Variants in SLC2A10 observed in about 807,000 individuals in gnomAD.
SLC2A10 encodes the protein solute carrier family 2, facilitated glucose transporter member 10.
SLC2A10 carries 25 observed loss-of-function variants against 32.1 expected under a neutral mutation model. That is an observed-to-expected ratio of 0.78 (90% CI 0.57 to 1.09). The LOEUF (loss-of-function observed/expected upper bound fraction) is 1.09, where lower values mean the gene tolerates loss of function less well. Among genes scored for constraint, SLC2A10 ranks in the 50% least tolerant of loss-of-function variants. SLC2A10 has a pLI of 0.00. For missense variants in SLC2A10, 673 were observed against 686.5 expected (o/e 0.98, Z 0.22); for synonymous variants, 332 against 309.6 (o/e 1.07, Z -0.76).
In SLC2A10 at chr20:46,725,429, G is replaced by T; in HGVS notation, c.393G>T (p.Gln131His). 6.2e-7 allele frequency: 1 copy of T among 1,614,180 alleles called. No homozygotes were observed. The highest frequency in any genetic ancestry group is 8.5e-7 in the Non-Finnish European group (1 of 1,180,028). ...IYVSELVGPR[Q>H]RGVLVSLYEA... ...TGTCAGAGCTGGTGGGGCCACGGCA[G>T]CGGGGAGTGCTGGTGTCCCTCTATG... The change falls in exon 2 of 5, where the codon CAG (glutamine) becomes CAT (histidine). Residue 131 changes from glutamine to histidine, a missense_variant. By Grantham distance (24) the Gln-to-His change is conservative. Coordinates refer to ENST00000359271, the MANE Select transcript of SLC2A10 (RefSeq NM_030777.4).
chr20:46,716,798 G>A lies in SLC2A10; in HGVS notation c.4+7058G>A, dbSNP rs374104934. Among the ~76,000 whole-genome samples the A allele has an allele frequency of 3.0e-4, 46 of 152,104 alleles. No individual in the cohort carries two copies. In the East Asian group the frequency reaches 4.4e-3, roughly 15 times the overall value. ...AGCATTTTGGGAGACTGAGGCGGGC[G>A]GATCACCAGAGGTCAGGAGTTCGAG... On this transcript the variant is annotated intron_variant, in intron 1 of 4. Transcript: ENST00000359271.
intron 4 of SLC2A10, among the ~76,000 whole-genome samples, chr20:46,731,615 G>C (rs887717554): frequency 1.3e-5 from 2 of 152,156 alleles, no homozygotes; most frequent in African/African-American, 4.8e-5. Flanking sequence ...GGGAGCCAAG[G>C]CCAGCCCTTG....
intron 1 of SLC2A10, 175 bp downstream of exon 1, chr20:46,709,915 C>A: frequency 4.5e-6 from 3 of 672,760 alleles, no homozygotes; most frequent in East Asian, 3.3e-5. Context: ...GGGGCTGGGA[C>A]GGGGCTCGGT....
intron 3 of SLC2A10, among the ~76,000 whole-genome samples, chr20:46,727,255 A>T (rs1980026168): frequency 6.6e-6 from 1 of 152,186 alleles, no homozygotes; most frequent in Non-Finnish European, 1.5e-5. Flanking sequence ...TATTTGCTCC[A>T]AACTGGCTTA....
At chr20:46,716,616 G>C (rs1311926763) in intron 1 of SLC2A10, among the ~76,000 whole-genome samples, 2 of 151,938 alleles carry the variant, frequency 1.3e-5, no homozygotes, top group Non-Finnish European at 2.9e-5. Flanking sequence ...ATTTAAGTGT[G>C]TGAATTAAAA....
At position 46,729,469 on chromosome 20, in the gene SLC2A10, C is replaced by G; in HGVS notation, c.1528C>G (p.Gln510Glu). 1.2e-6 allele frequency: 2 copies of G among 1,613,944 alleles called. No individual in the cohort carries two copies. The highest frequency in any genetic ancestry group is 1.7e-6 in the Non-Finnish European group (2 of 1,179,978). Reference sequence around the variant, plus strand: ...AGGCCAGTCGTTGGCAGAGATAGACCAGCAGTTCCAGAAGAGACGGTAGGA... The same window carrying G: ...AGGCCAGTCGTTGGCAGAGATAGACGAGCAGTTCCAGAAGAGACGGTAGGA... ...TKGQSLAEID[Q>E]QFQKRRFTLS... The change falls in exon 4 of 5, where the codon CAG (glutamine) becomes GAG (glutamate). Residue 510 changes from glutamine to glutamate, a missense_variant. Transcript: ENST00000359271.
chr20:46,715,084 G>A (rs1475151382), intron 1 of SLC2A10, among the ~76,000 whole-genome samples: 1 of 152,134 alleles, frequency 6.6e-6, no homozygotes, highest in African/African-American at 2.4e-5. Context: ...AGAACACTCT[G>A]AGCCTTAACC....
In SLC2A10 at chr20:46,736,233, A is replaced by G. The variant is rs1980561902; in HGVS notation, c.*2399A>G. ...CATACCCTTTATCTCTGTAAAATTT[A>G]TACACACAAAAATTAACAAAAGATT... On this transcript the variant is annotated 3_prime_UTR_variant, in exon 5 of 5. Transcript: ENST00000359271. 6.6e-6 allele frequency: 1 copy of G among 152,206 alleles called. No homozygotes were observed. Among genetic ancestry groups the G allele is most frequent in the African/African-American group, 2.4e-5 (1 of 41,432 alleles). 9.4% of individuals were successfully genotyped at this position (152,206 alleles called of 1,614,324 possible). A position where few individuals can be genotyped will look rare whatever the true frequency, so the allele number is the denominator to read the frequency against.
intron 1 of SLC2A10, chr20:46,710,160 G>C (rs1978825564): frequency 2.3e-6 from 1 of 427,346 alleles, no homozygotes; most frequent in Admixed American, 4.3e-5. Context: ...ACGCTGTCGC[G>C]AACGAAACTG....
In SLC2A10 at chr20:46,725,665, G is replaced by T. The variant is rs1275550482; in HGVS notation, c.629G>T (p.Gly210Val). Residue 210 changes from glycine (G) to valine (V), a missense_variant, in exon 2 of 5, where the codon GGC (glycine) becomes GTC (valine). Physicochemically the swap from Gly to Val is moderately radical, Grantham distance 109 (BLOSUM62 -3). Transcript: ENST00000359271. Reference sequence around the variant, plus strand: ...CAGGGAGGTGAGGCCCCCAAGCTGGGCCCGGGGAGGCCACGGTACTCCTTT... The same window carrying T: ...CAGGGAGGTGAGGCCCCCAAGCTGGTCCCGGGGAGGCCACGGTACTCCTTT... The part of the protein sequence containing the change: ...PLQGGEAPKL[G>V]PGRPRYSFLD... 6.2e-7 allele frequency: 1 copy of T among 1,613,898 alleles called. No homozygotes were observed. The highest frequency in any genetic ancestry group is 8.5e-7 in the Non-Finnish European group (1 of 1,179,954).
In SLC2A10 at chr20:46,733,957, G is replaced by C; in HGVS notation, c.*123G>C. 1.1e-6 allele frequency: 1 copy of C among 899,538 alleles called. No individual in the cohort carries two copies. Among genetic ancestry groups the C allele is most frequent in the South Asian group, 1.4e-5 (1 of 71,502 alleles). The allele number at this position is 899,538 out of a possible 1,614,324, so 55.7% of individuals were successfully genotyped here. On this transcript the variant is annotated 3_prime_UTR_variant, in exon 5 of 5. Transcript: ENST00000359271. ...TTTGGGAGTGGCCCCTGCCCCCAAA[G>C]GTGGTCTGCTTTTGCTGGGGTAAAA...
intron 1 of SLC2A10, chr20:46,710,333 A>G (rs1978838157): frequency 6.3e-6 from 2 of 317,110 alleles, no homozygotes; most frequent in Non-Finnish European, 1.1e-5. Flanking sequence ...GCCTCGAAGG[A>G]TCAGTCGTTG....
intron 1 of SLC2A10, 61 bp downstream of exon 1, chr20:46,709,801 G>GC: frequency 6.5e-7 from 1 of 1,537,510 alleles, no homozygotes; most frequent in Non-Finnish European, 8.8e-7. Flanking sequence ...TGTAGACACC[G>GC]CCCCCACGCT....
chr20:46,725,388 G>C lies in SLC2A10; in HGVS notation c.352G>C (p.Ala118Pro). The C allele has an allele frequency of 6.2e-7, 1 of 1,614,012 alleles. No homozygotes were observed. Among genetic ancestry groups the C allele is most frequent in the South Asian group, 1.1e-5 (1 of 91,088 alleles). The change falls in exon 2 of 5, where the codon GCT becomes CCT. Residue 118 changes from alanine to proline, a missense_variant. By Grantham distance (27) the Ala-to-Pro change is conservative. Coordinates refer to ENST00000359271, the MANE Select transcript of SLC2A10 (RefSeq NM_030777.4). ...VGFAISLSSM[A>P]CCIYVSELVG... ...CTTCGCCATTTCCCTCTCCTCCATGGCTTGCTGTATCTACGTGTCAGAGCT... is the reference window on the plus strand; with the variant it reads ...CTTCGCCATTTCCCTCTCCTCCATGCCTTGCTGTATCTACGTGTCAGAGCT...
chr20:46,716,898 C>T (rs923584079), intron 1 of SLC2A10, among the ~76,000 whole-genome samples: 1 of 152,020 alleles, frequency 6.6e-6, no homozygotes, highest in African/African-American at 2.4e-5. Flanking sequence ...TGGTACATGC[C>T]TGTAGTCCCA....
chr20:46,719,104 T>C (rs1979412957), intron 1 of SLC2A10, among the ~76,000 whole-genome samples: 1 of 151,942 alleles, frequency 6.6e-6, no homozygotes, highest in South Asian at 2.1e-4. Flanking sequence ...TTTAAGTTTC[T>C]CCATGTATAT....
intron 1 of SLC2A10, among the ~76,000 whole-genome samples, chr20:46,719,533 C>T (rs1049727117): frequency 9.9e-5 from 15 of 152,156 alleles, no homozygotes; most frequent in Admixed American, 7.9e-4. Flanking sequence ...AAGGGATTCC[C>T]CTTATAAAAC....
At chr20:46,730,170 G>C (rs1000529404) in intron 4 of SLC2A10, among the ~76,000 whole-genome samples, 2 of 152,118 alleles carry the variant, frequency 1.3e-5, no homozygotes, top group African/African-American at 2.4e-5. Flanking sequence ...CACGCAAAAC[G>C]CTTGTGGGCT....
rs1268384662 is a variant in SLC2A10 at position 46,726,960 on chromosome 20, T to A, written c.1385T>A (p.Ile462Asn). 2 of 1,614,244 alleles carry A rather than the reference T, an allele frequency of 1.2e-6. No individual in the cohort carries two copies. The highest frequency in any genetic ancestry group is 1.1e-5 in the South Asian group (1 of 91,084). ...NSFNWAANLF[I>N]SLSFLDLIGT... ...TTCAACTGGGCGGCCAACCTCTTCA[T>A]CAGCCTCTCCTTCCTCGATCTCATT... is the stretch of plus-strand genomic sequence containing the variant. Residue 462 changes from isoleucine to asparagine, a missense_variant, in exon 3 of 5, where the codon ATC (isoleucine) becomes AAC (asparagine). Ile to Asn is a moderately radical substitution (Grantham distance 149). Transcript: ENST00000359271.
Sources: gnomAD v4.1 joint callset for allele counts (sites outside exome capture counted in the v4.1 genomes callset) on GRCh38, gnomAD v4.1.1 for gene constraint, MANE v1.5 for transcripts, NCBI Gene and HGNC (gene_info 2026-07-23, HGNC 2026-07-21) for gene names.